NCKAP1L: variants seen among roughly 807,000 people sequenced by gnomAD.
NCKAP1L encodes NCK associated protein 1 like, also known as nck-associated protein 1-like.
A neutral mutation model predicts 139.2 loss-of-function variants in NCKAP1L; 53 were observed. The observed-to-expected ratio is 0.38, with a 90% CI of 0.31 to 0.48. NCKAP1L has a LOEUF of 0.48. Among genes scored for constraint, NCKAP1L ranks in the 20% least tolerant of loss-of-function variants. The pLI is 0.98. For synonymous variants in NCKAP1L, 468 were observed against 499.7 expected (o/e 0.94, Z 0.85); for missense variants, 1,151 against 1,381.9 (o/e 0.83, Z 2.65).
intron 5 of NCKAP1L, among the ~76,000 whole-genome samples, chr12:54,509,297 C>T (rs1190527496): frequency 2.6e-5 from 4 of 152,092 alleles, no homozygotes; most frequent in African/African-American, 4.8e-5. Context: ...AGACACATGC[C>T]TTACCTGTTA....
At chr12:54,518,155 A>G (rs1027243620) in intron 13 of NCKAP1L, among the ~76,000 whole-genome samples, 1 of 152,092 alleles carries the variant, frequency 6.6e-6, no homozygotes, top group African/African-American at 2.4e-5. Context: ...CCTGGCTAAC[A>G]TGGTGAAACC....
chr12:54,536,481 G>A (rs1005084408), intron 28 of NCKAP1L: 4 of 394,092 alleles, frequency 1.0e-5, no homozygotes, highest in African/African-American at 2.1e-5. Context: ...CCTAGGCAAC[G>A]TGGTGAAACC....
chr12:54,521,889 T>C (rs1956986498), intron 18 of NCKAP1L, among the ~76,000 whole-genome samples: 1 of 141,316 alleles, frequency 7.1e-6, no homozygotes, highest in Admixed American at 7.3e-5. Flanking sequence ...TGTGTGTATG[T>C]GTGTGTGTGT....
intron 1 of NCKAP1L, among the ~76,000 whole-genome samples, chr12:54,498,509 TAA>T (rs942373783): frequency 7.3e-5 from 11 of 151,048 alleles, no homozygotes; most frequent in African/African-American, 2.7e-4. Flanking sequence ...CCATAGGAAG[TAA>T]AGAGATAAAG....
At chr12:54,539,356 A>G (rs1209884012) in intron 30 of NCKAP1L, among the ~76,000 whole-genome samples, 2 of 152,156 alleles carry the variant, frequency 1.3e-5, no homozygotes, top group African/African-American at 2.4e-5. Flanking sequence ...TAAGAGTACT[A>G]TGAAAAGAGT....
At chr12:54,503,643 CTTT>C (rs1268109550) in intron 3 of NCKAP1L, among the ~76,000 whole-genome samples, 2 of 140,184 alleles carry the variant, frequency 1.4e-5, no homozygotes, top group Admixed American at 7.2e-5. Flanking sequence ...TTTTTCTTTT[CTTT>C]TTTTTTTTTT....
chr12:54,521,360 G>A, intron 18 of NCKAP1L, 122 bp downstream of exon 18: 3 of 1,354,176 alleles, frequency 2.2e-6, no homozygotes, highest in Non-Finnish European at 3.0e-6. Context: ...AGTAGGGCTA[G>A]GGCCTTTCTG....
Position 54,499,390 on chromosome 12 carries a change from A to G in NCKAP1L, c.138A>G (p.Leu46=), listed in dbSNP as rs772964218. ...ACCCCAAATCTAAGCCACCTTTCTT[A>G]CTGGAAAAGTCCATGGAACCATCTC... ...CSDPKSKPPF[L]LEKSMEPSLK... The change falls in exon 2 of 31, where the codon TTA becomes TTG. Residue 46 remains leucine (L), a synonymous_variant. Coordinates refer to ENST00000293373, the MANE Select transcript of NCKAP1L (RefSeq NM_005337.5). The G allele has an allele frequency of 6.8e-6, 11 of 1,611,778 alleles. No homozygotes were observed. The South Asian group carries it at 1.1e-4, about 16-fold the overall frequency.
Position 54,544,216 on chromosome 12 carries a change from G to A in NCKAP1L, c.*1531G>A, listed in dbSNP as rs1023689872. The stretch of plus-strand genomic sequence containing the variant: ...CTTATGTTCTAAAGGGTGATTCAGT[G>A]TCAGGCTTATGAGACTGAGAGTAAA... On this transcript the variant is annotated 3_prime_UTR_variant, in exon 31 of 31. Transcript: ENST00000293373. 1.3e-5 allele frequency: 2 copies of A among 152,198 alleles called. No homozygotes were observed. The highest frequency in any genetic ancestry group is 4.8e-5 in the African/African-American group (2 of 41,446). 9.4% of individuals were successfully genotyped at this position (152,198 alleles called of 1,614,324 possible).
intron 3 of NCKAP1L, among the ~76,000 whole-genome samples, chr12:54,503,378 T>A (rs1293241628): frequency 6.6e-6 from 1 of 151,988 alleles, no homozygotes. Flanking sequence ...TAAAAATTAA[T>A]GTCGTAATTT....
chr12:54,542,918 TG>T lies in NCKAP1L; in HGVS notation c.*237del. The T allele has an allele frequency of 2.2e-6, 1 of 454,362 alleles. No homozygotes were observed. The highest frequency in any genetic ancestry group is 3.9e-6 in the Non-Finnish European group (1 of 254,118). 28.1% of individuals were successfully genotyped at this position (454,362 alleles called of 1,614,324 possible). A position where few individuals can be genotyped will look rare whatever the true frequency, so the allele number is the denominator to read the frequency against. ...ACAGCTTATGGAAAAAGTTAGGGCG[TG>T]GGGCCACATGTGTGAATTTTACAAT... On this transcript the variant is annotated 3_prime_UTR_variant, in exon 31 of 31. Transcript: ENST00000293373.
chr12:54,498,389 G>C (rs1956767511), intron 1 of NCKAP1L, among the ~76,000 whole-genome samples: 1 of 147,984 alleles, frequency 6.8e-6, no homozygotes, highest in Non-Finnish European at 1.5e-5. Context: ...GGTAGTTCAT[G>C]CTGTGGTGGT....
At chr12:54,525,517 T>G in intron 20 of NCKAP1L, among the ~76,000 whole-genome samples, 1 of 152,108 alleles carries the variant, frequency 6.6e-6, no homozygotes, top group African/African-American at 2.4e-5. Context: ...GCAGCATGAG[T>G]GTGACATTCA....
chr12:54,535,462 G>A (rs1221779208), intron 27 of NCKAP1L, among the ~76,000 whole-genome samples: 2 of 152,208 alleles, frequency 1.3e-5, no homozygotes, highest in Non-Finnish European at 2.9e-5. Flanking sequence ...GTGAGAGTCT[G>A]TTTGGTGCTC....
At chr12:54,509,530 A>C (rs1476606291) in intron 5 of NCKAP1L, 139 bp from the exon 6 acceptor site, 3 of 646,136 alleles carry the variant, frequency 4.6e-6, no homozygotes, top group African/African-American at 1.8e-5. Context: ...TTTATATGTA[A>C]TTTACAGTGT....
At position 54,508,050 on chromosome 12, in the gene NCKAP1L, T is replaced by C. The variant is rs1034086164; in HGVS notation, c.363+141T>C. ...TTTGTTTATTCCTTCTCAGGACTAC[T>C]ATAATTGTTTTGTAAAAAGTGCTGA... On this transcript the variant is annotated intron_variant, in intron 4 of 30. Transcript: ENST00000293373. The C allele has an allele frequency of 6.6e-6, 5 of 753,808 alleles. No individual in the cohort carries two copies. In the African/African-American group the frequency reaches 7.0e-5, roughly 11 times the overall value. 46.7% of individuals were successfully genotyped at this position (753,808 alleles called of 1,614,324 possible).
At chr12:54,525,231 C>CT (rs1242122616) in intron 20 of NCKAP1L, among the ~76,000 whole-genome samples, 4 of 152,194 alleles carry the variant, frequency 2.6e-5, no homozygotes, top group Admixed American at 6.5e-5. Context: ...AATGATTAGA[C>CT]TTGACTCAAT....
chr12:54,524,022 G>GTA lies in NCKAP1L; in HGVS notation c.2156+67_2156+68dup. 5.3e-6 allele frequency: 8 copies of GTA among 1,519,278 alleles called. No individual in the cohort carries two copies. The South Asian group carries it at 7.4e-5, about 14-fold the overall frequency. The allele number at this position is 1,519,278 out of a possible 1,614,324, so 94.1% of individuals were successfully genotyped here. A position where few individuals can be genotyped will look rare whatever the true frequency, so the allele number is the denominator to read the frequency against. ...CATACCCTACCATATACCTCTATGTGTAGTATGGTGGTCCTCAAAGTTGGG... is the reference window on the plus strand; with the variant it reads ...CATACCCTACCATATACCTCTATGTGTATAGTATGGTGGTCCTCAAAGTTGGG... On this transcript the variant is annotated intron_variant, in intron 20 of 30. Transcript: ENST00000293373.
intron 3 of NCKAP1L, among the ~76,000 whole-genome samples, chr12:54,504,539 T>C (rs192203697): frequency 1.3e-5 from 2 of 152,332 alleles, no homozygotes; most frequent in African/African-American, 4.8e-5. Flanking sequence ...GAACACCTTC[T>C]GGTTGCTGCA....
Sources: gnomAD v4.1 joint callset for allele counts (sites outside exome capture counted in the v4.1 genomes callset) on GRCh38, gnomAD v4.1.1 for gene constraint, MANE v1.5 for transcripts, NCBI Gene and HGNC (gene_info 2026-07-23, HGNC 2026-07-21) for gene names.